ZNF519: variants seen among roughly 807,000 people sequenced by gnomAD.
ZNF519 encodes the protein zinc finger protein 519, also known as similar to Zinc finger protein 85 (Zinc finger protein HPF4) (HTF1).
In ZNF519, 7 loss-of-function variants were observed where a neutral mutation model predicts 7.4. That is an observed-to-expected ratio of 0.94 (90% CI 0.54 to 1.77). The LOEUF (loss-of-function observed/expected upper bound fraction) is 1.77. Ranked by LOEUF, ZNF519 falls within the 40% of genes most tolerant of loss-of-function variation. The pLI is 0.00. For missense variants in ZNF519, 586 were observed against 623.1 expected, an observed-to-expected ratio of 0.94 and a Z score of 0.63; for synonymous variants, 179 against 203.3, an observed-to-expected ratio of 0.88 and a Z score of 1.02.
At chr18:14,131,519 G>A (rs549065934) in intron 1 of ZNF519, among the ~76,000 whole-genome samples, 4 of 152,290 alleles carry the variant, frequency 2.6e-5, no homozygotes, top group East Asian at 3.9e-4. Flanking sequence ...AAATGCAGGC[G>A]AAAACCAGTG....
At chr18:14,125,771 G>A (rs376224085) in intron 1 of ZNF519, among the ~76,000 whole-genome samples, 33 of 151,802 alleles carry the variant, frequency 2.2e-4, no homozygotes, top group African/African-American at 7.5e-4. Flanking sequence ...TGCAACCTCC[G>A]CCTCCCAGGT....
In ZNF519 at chr18:14,131,773, TTTAA is replaced by T. The variant is rs546827232; in HGVS notation, c.3+498_3+501del. 1.9e-4 allele frequency among the ~76,000 whole-genome samples: 29 copies of T among 152,216 alleles called. 2 individuals are homozygous for T. In the South Asian group the frequency reaches 6.0e-3, roughly 32 times the overall value. On this transcript the variant is annotated intron_variant, in intron 1 of 2. Coordinates refer to ENST00000590202, the MANE Select transcript of ZNF519 (RefSeq NM_145287.4). ...GCGACTACATAACTGTACCCAATTA[TTTAA>T]TTGTCTTTGCTTCCTCACACACCTT...
intron 2 of ZNF519, among the ~76,000 whole-genome samples, chr18:14,089,247 T>C (rs1598509449): frequency 6.6e-6 from 1 of 152,320 alleles, no homozygotes; most frequent in East Asian, 1.9e-4. Flanking sequence ...TTTTTGAGTA[T>C]TTCCTATAAG....
intron 2 of ZNF519, among the ~76,000 whole-genome samples, chr18:14,092,654 C>T (rs1031225278): frequency 6.6e-5 from 10 of 152,114 alleles, no homozygotes; most frequent in South Asian, 2.1e-4. Flanking sequence ...ACTTCAGTTG[C>T]GCAGAATCCC....
intron 2 of ZNF519, among the ~76,000 whole-genome samples, chr18:14,087,697 T>C (rs1425629677): frequency 6.6e-6 from 1 of 152,244 alleles, no homozygotes; most frequent in African/African-American, 2.4e-5. Flanking sequence ...TGCGTCCTTG[T>C]GTTGGATGTT....
intron 2 of ZNF519, chr18:14,123,190 T>C: frequency 4.1e-6 from 1 of 241,780 alleles, no homozygotes; most frequent in Non-Finnish European, 8.3e-6. Flanking sequence ...TGACCAGGTC[T>C]GGTTAGAGAT....
intron 2 of ZNF519, among the ~76,000 whole-genome samples, chr18:14,088,300 C>A (rs1283720957): frequency 6.6e-6 from 1 of 152,182 alleles, no homozygotes; most frequent in Non-Finnish European, 1.5e-5. Context: ...AGCTTCATCA[C>A]ATATAAAAAG....
downstream of ZNF519, among the ~76,000 whole-genome samples, chr18:14,099,041 T>G (rs2046148985): frequency 6.6e-6 from 1 of 152,122 alleles, no homozygotes; most frequent in Non-Finnish European, 1.5e-5. Context: ...CTGTTCTCAG[T>G]GTCAGGTCTC....
intron 2 of ZNF519, chr18:14,123,927 T>G (rs1740396726): frequency 6.5e-6 from 1 of 153,366 alleles, no homozygotes; most frequent in South Asian, 2.1e-4. Flanking sequence ...ATCCTAGCAC[T>G]TTGGGAGGCC....
At chr18:14,084,749 C>T (rs1454264016) in intron 3 of ZNF519, 1 of 152,142 alleles carries the variant, frequency 6.6e-6, no homozygotes, top group Non-Finnish European at 1.5e-5. Flanking sequence ...GTGAAATACA[C>T]TTACTTTATA....
rs537945202 is a variant in ZNF519 at position 14,132,363 on chromosome 18, T to G, written c.-86A>C. On this transcript the variant is annotated 5_prime_UTR_variant, in exon 1 of 3. Coordinates refer to ENST00000590202, the MANE Select transcript of ZNF519 (RefSeq NM_145287.4). ...CAGAGCGACGGAGTGAGTGGCAGAA[T>G]CACCGAAGTCTCCCGGAGCAGAGGA... The G allele has an allele frequency of 6.5e-7, 1 of 1,529,950 alleles. No homozygotes were observed. Among genetic ancestry groups the G allele is most frequent in the Non-Finnish European group, 9.0e-7 (1 of 1,106,304 alleles). 94.8% of individuals were successfully genotyped at this position (1,529,950 alleles called of 1,614,324 possible).
intron 1 of ZNF519, among the ~76,000 whole-genome samples, chr18:14,130,639 T>C (rs1300872181): frequency 1.3e-5 from 2 of 151,960 alleles, no homozygotes; most frequent in African/African-American, 2.4e-5. Flanking sequence ...CAGGAGACAC[T>C]GCACTGTGCC....
intron 2 of ZNF519, among the ~76,000 whole-genome samples, chr18:14,111,063 A>G (rs2046217965): frequency 6.6e-6 from 1 of 152,058 alleles, no homozygotes; most frequent in Admixed American, 6.6e-5. Context: ...GTATCTAGCA[A>G]ACAAAGCCAA....
chr18:14,127,132 G>C (rs2046303155), intron 1 of ZNF519, among the ~76,000 whole-genome samples: 1 of 152,144 alleles, frequency 6.6e-6, no homozygotes, highest in South Asian at 2.1e-4. Flanking sequence ...TTATGGCTCT[G>C]GTTATTTTGT....
At chr18:14,107,609 G>A (rs1414869894) in intron 2 of ZNF519, among the ~76,000 whole-genome samples, 3 of 152,164 alleles carry the variant, frequency 2.0e-5, no homozygotes, top group Admixed American at 2.0e-4. Flanking sequence ...GGGAGGAAGA[G>A]CATCAAGTGG....
chr18:14,108,376 T>A (rs2143133313), intron 2 of ZNF519, among the ~76,000 whole-genome samples: 1 of 152,044 alleles, frequency 6.6e-6, no homozygotes, highest in East Asian at 1.9e-4. Flanking sequence ...ATCAATTGAA[T>A]GGTGCCTTTT....
chr18:14,113,242 G>T (rs1442640985), intron 2 of ZNF519, among the ~76,000 whole-genome samples: 1 of 152,126 alleles, frequency 6.6e-6, no homozygotes, highest in Admixed American at 6.6e-5. Context: ...GCTGGGAACC[G>T]CTTAGGGCAA....
At chr18:14,128,740 A>AAATAGG (rs2046314831) in intron 1 of ZNF519, among the ~76,000 whole-genome samples, 1 of 148,454 alleles carries the variant, frequency 6.7e-6, no homozygotes, top group Non-Finnish European at 1.5e-5. Context: ...CAAATGACCT[A>AAATAGG]TTTAACTGAT....
At chr18:14,075,475 C>A (rs1020185376), downstream of ZNF519, 1 of 152,180 alleles carries the variant, frequency 6.6e-6, no homozygotes. Flanking sequence ...GCCCTGCCCA[C>A]TTTGTGAACA....
Sources: allele counts gnomAD v4.1 joint callset (sites outside exome capture counted in the v4.1 genomes callset), GRCh38; gene constraint gnomAD v4.1.1; transcripts MANE v1.5; gene names NCBI Gene and HGNC (gene_info 2026-07-23, HGNC 2026-07-21).